The following EEF1D variants were observed in gnomAD, a reference collection of about 807,000 sequenced individuals.
The protein encoded by EEF1D is eukaryotic translation elongation factor 1 delta, also known as elongation factor 1-delta.
A neutral mutation model predicts 63.9 loss-of-function variants in EEF1D; 47 were observed. The observed-to-expected ratio is 0.74, with a 90% CI of 0.58 to 0.94. The LOEUF is 0.94. Ranked by LOEUF, EEF1D falls within the 40% of genes least tolerant of loss-of-function variation. The pLI, the probability that EEF1D is intolerant of heterozygous loss-of-function variation, is 0.00. For synonymous variants in EEF1D, 412 were observed against 386.1 expected, an observed-to-expected ratio of 1.07 and a Z score of -0.79; for missense variants, 907 against 899.0, an observed-to-expected ratio of 1.01 and a Z score of -0.11.
intron 4 of EEF1D, 120 bp downstream of exon 4, chr8:143,586,609 C>T (rs1156535608): frequency 7.0e-7 from 1 of 1,426,868 alleles, no homozygotes; most frequent in Non-Finnish European, 9.5e-7. Flanking sequence ...CCAGCACCCA[C>T]AGCAGAGCCA....
At chr8:143,597,186 A>T (rs559597445) in intron 1 of EEF1D, 162 bp downstream of exon 1, 1 of 151,814 alleles carries the variant, frequency 6.6e-6, no homozygotes, top group Non-Finnish European at 1.5e-5. Context: ...CGCTCGCCCC[A>T]AGTGCCGCAC....
chr8:143,586,936 G>A (rs2131008836), intron 3 of EEF1D, 84 bp from the exon 4 acceptor site: 1 of 1,566,784 alleles, frequency 6.4e-7, no homozygotes, highest in Non-Finnish European at 8.7e-7. Context: ...AGGTGCAGTG[G>A]GGCTGACACC....
chr8:143,590,798 T>C (rs1431643391), intron 2 of EEF1D: 1 of 154,240 alleles, frequency 6.5e-6, no homozygotes, highest in Non-Finnish European at 1.4e-5. Flanking sequence ...TCCCAGCTCC[T>C]AGGGAGGCTG....
intron 5 of EEF1D, chr8:143,582,373 G>GT (rs1330492971): frequency 1.3e-5 from 2 of 152,380 alleles, no homozygotes; most frequent in African/African-American, 4.8e-5. Context: ...GTGAATGGTG[G>GT]TGGGGGTACG....
chr8:143,589,556 C>T lies in EEF1D; in HGVS notation c.526G>A (p.Ala176Thr), dbSNP rs377487949. The T allele has an allele frequency of 3.5e-5, 53 of 1,513,674 alleles. No individual in the cohort carries two copies. The highest frequency in any genetic ancestry group is 4.2e-5 in the Non-Finnish European group (48 of 1,130,968). 93.8% of individuals were successfully genotyped at this position (1,513,674 alleles called of 1,614,324 possible). ...AGGGCCTGAGACCACTCCACGAAGG[C>T]CCGCTCAGCCTGGTCGAAGGAGGAC... ...NKSSFDQAER[A>T]FVEWSQALLL... The change falls in exon 3 of 10, where the codon GCC (alanine) becomes ACC (threonine). Residue 176 changes from alanine (A) to threonine (T), a missense_variant. Transcript: ENST00000618139.
At chr8:143,582,839 G>C (rs956934052) in intron 5 of EEF1D, 1 of 152,232 alleles carries the variant, frequency 6.6e-6, no homozygotes, top group Non-Finnish European at 1.5e-5. Context: ...AGCCCCTCAG[G>C]GACTTGGGGG....
intron 1 of EEF1D, among the ~76,000 whole-genome samples, chr8:143,594,898 T>A (rs1055865287): frequency 6.9e-5 from 1 of 14,450 alleles, no homozygotes; most frequent in African/African-American, 1.0e-4. Context: ...TCTTCCTGCG[T>A]GGAGTGAGGC....
intron 1 of EEF1D, among the ~76,000 whole-genome samples, chr8:143,594,836 G>C (rs2131304860): frequency 6.6e-6 from 1 of 152,338 alleles, no homozygotes; most frequent in East Asian, 1.9e-4. Flanking sequence ...TGAGGAAGCG[G>C]GTCTTTAGGC....
At chr8:143,586,602 G>A in intron 4 of EEF1D, 127 bp downstream of exon 4, 2 of 1,371,198 alleles carry the variant, frequency 1.5e-6, no homozygotes, top group Non-Finnish European at 2.0e-6. Context: ...CCCACTCCCA[G>A]CACCCACAGC....
chr8:143,580,256 C>G lies in EEF1D; in HGVS notation c.1711-50G>C, dbSNP rs372016254. The G allele has an allele frequency of 1.8e-5, 29 of 1,572,370 alleles. No individual in the cohort carries two copies. The African/African-American group carries it at 3.0e-4, about 16-fold the overall frequency. On this transcript the variant is annotated intron_variant, in intron 8 of 9. Transcript: ENST00000618139. ...TGGGGTCAGCCACCCTCAGAACACC[C>G]AGGAAGTACCTGCATGCACCCTACC...
At position 143,589,316 on chromosome 8, in the gene EEF1D, G is replaced by T. The variant is rs900511787; in HGVS notation, c.766C>A (p.Pro256Thr). The change falls in exon 3 of 10, where the codon CCA (proline) becomes ACA (threonine). Residue 256 changes from proline (P) to threonine (T), a missense_variant. Physicochemically the swap from Pro to Thr is conservative, Grantham distance 38 (BLOSUM62 -1). Coordinates refer to ENST00000618139, the MANE Select transcript of EEF1D (RefSeq NM_001130053.5). ...FYEALFDGHP[P>T]GKVRLQERAG... The stretch of plus-strand genomic sequence containing the variant: ...CGCTCTTGCAGGCGCACCTTCCCTG[G>T]GGGATGGCCGTCAAACAGGGCCTCG... The T allele has an allele frequency of 6.3e-6, 10 of 1,586,430 alleles. No individual in the cohort carries two copies. The African/African-American group carries it at 1.2e-4, about 19-fold the overall frequency.
intron 5 of EEF1D, chr8:143,582,994 T>G (rs1160046851): frequency 6.6e-6 from 1 of 152,238 alleles, no homozygotes; most frequent in Admixed American, 6.5e-5. Flanking sequence ...GCCCCTGCCA[T>G]GGGCTGAATA....
At chr8:143,580,259 G>C in intron 8 of EEF1D, 53 bp from the exon 9 acceptor site, 1 of 1,568,796 alleles carries the variant, frequency 6.4e-7, no homozygotes, top group Non-Finnish European at 8.7e-7. Flanking sequence ...GAACACCCAG[G>C]AAGTACCTGC....
intron 1 of EEF1D, among the ~76,000 whole-genome samples, chr8:143,594,922 T>C (rs1024694313): frequency 1.3e-5 from 2 of 152,246 alleles, no homozygotes; most frequent in Non-Finnish European, 2.9e-5. Context: ...CGGTCTTTTT[T>C]TGAGACGGAG....
intron 7 of EEF1D, 153 bp from the exon 8 acceptor site, chr8:143,580,880 AC>A: frequency 1.7e-6 from 2 of 1,143,976 alleles, no homozygotes; most frequent in South Asian, 2.8e-5. Flanking sequence ...CCCAGGAAAG[AC>A]AAAAACTGCC....
chr8:143,581,698 C>G (rs1470965394), intron 5 of EEF1D: 1 of 257,306 alleles, frequency 3.9e-6, no homozygotes, highest in Non-Finnish European at 7.5e-6. Context: ...CTCAGGGGAC[C>G]AGGCAGCACT....
At chr8:143,592,812 A>G in intron 1 of EEF1D, 152 bp from the exon 2 acceptor site, 2 of 566,384 alleles carry the variant, frequency 3.5e-6, no homozygotes, top group Non-Finnish European at 2.2e-6. Context: ...TGGAGATGGA[A>G]GCTGAGCGCC....
In EEF1D at chr8:143,586,709, G is replaced by A. The variant is rs778302884; in HGVS notation, c.1215+20C>T. 1.7e-5 allele frequency: 28 copies of A among 1,609,412 alleles called. No homozygotes were observed. The African/African-American group carries it at 1.9e-4, about 11-fold the overall frequency. Reference sequence around the variant, plus strand: ...TGTCGGGCAGCAGAGCCGCCCAGCCGCCCCACGTGCAGCTCTCACCTGGCG... The same window carrying A: ...TGTCGGGCAGCAGAGCCGCCCAGCCACCCCACGTGCAGCTCTCACCTGGCG... On this transcript the variant is annotated intron_variant, in intron 4 of 9. Transcript: ENST00000618139.
At chr8:143,587,090 T>C (rs1311262725) in intron 3 of EEF1D, 1 of 406,738 alleles carries the variant, frequency 2.5e-6, no homozygotes, top group African/African-American at 2.1e-5. Flanking sequence ...GCCCTTCCCT[T>C]TCACTCACAC....
Sources: gnomAD v4.1 joint callset for allele counts (sites outside exome capture counted in the v4.1 genomes callset) on GRCh38, gnomAD v4.1.1 for gene constraint, MANE v1.5 for transcripts, NCBI Gene and HGNC (gene_info 2026-07-23, HGNC 2026-07-21) for gene names.